TTC16: variants seen among roughly 807,000 people sequenced by gnomAD.
TTC16 encodes tetratricopeptide repeat protein 16.
In TTC16, 66 loss-of-function variants were observed where a neutral mutation model predicts 80.4. That is an observed-to-expected ratio of 0.82 (90% confidence interval 0.67 to 1.01). The LOEUF (loss-of-function observed/expected upper bound fraction) is 1.01. TTC16 is among the 50% of genes least tolerant of loss of function. The probability of loss-of-function intolerance (pLI) is 0.00; values close to 1 mark genes in which losing one functional copy is unlikely to be tolerated. For synonymous variants in TTC16, 438 were observed against 451.3 expected, an observed-to-expected ratio of 0.97 and a Z score of 0.37; for missense variants, 1,070 against 1,103.2, an observed-to-expected ratio of 0.97 and a Z score of 0.43.
chr9:127,716,270 C>T (rs575345775), intron 1 of TTC16, 107 bp downstream of exon 1: 11 of 1,525,108 alleles, frequency 7.2e-6, no homozygotes, highest in African/African-American at 6.8e-5. Flanking sequence ...GGCAGCAGTC[C>T]GACTCAGGGA....
In TTC16 at chr9:127,730,842, C is replaced by T. The variant is rs1214753532; in HGVS notation, c.2059C>T (p.Pro687Ser). The change falls in exon 14 of 14, where the codon CCC becomes TCC. Residue 687 changes from proline (P) to serine (S), a missense_variant. Transcript: ENST00000373289. ...GQRQSLSKTE[P>S]TQSQRRNSSK... Reference sequence around the variant, plus strand: ...GAGGCAGAGCCTTAGCAAGACTGAGCCCACCCAGAGCCAGAGGCGGAACTC... The same window carrying T: ...GAGGCAGAGCCTTAGCAAGACTGAGTCCACCCAGAGCCAGAGGCGGAACTC... 6.2e-7 allele frequency: 1 copy of T among 1,604,076 alleles called. No homozygotes were observed.
In TTC16 at chr9:127,716,087, C is replaced by T; in HGVS notation, c.-59C>T. 6.2e-7 allele frequency: 1 copy of T among 1,613,106 alleles called. No homozygotes were observed. Among genetic ancestry groups the T allele is most frequent in the Non-Finnish European group, 8.5e-7 (1 of 1,179,500 alleles). On this transcript the variant is annotated 5_prime_UTR_variant, in exon 1 of 14. Transcript: ENST00000373289. ...TCCTGGTGATGGTGCCTAGCAACGT[C>T]AGGGCCAGGGCCGCGAGGTAGTTGG...
Position 127,722,031 on chromosome 9 carries a change from C to T in TTC16, c.658-1088C>T, listed in dbSNP as rs146552139. On this transcript the variant is annotated intron_variant, in intron 6 of 13. Coordinates refer to ENST00000373289, the MANE Select transcript of TTC16 (RefSeq NM_144965.3). The surrounding 1 kb of genome is among the most constrained non-coding windows in gnomAD (Gnocchi z 4.2). Reference sequence around the variant, plus strand: ...AGCCCCTCCGATACGTAGGCGTGTTCTCAGCACTTTGCCCCTGCTTAGCTG... The same window carrying T: ...AGCCCCTCCGATACGTAGGCGTGTTTTCAGCACTTTGCCCCTGCTTAGCTG... Among the ~76,000 whole-genome samples, 104 of 152,276 alleles carry T rather than the reference C, an allele frequency of 6.8e-4. No homozygotes were observed. Among genetic ancestry groups the T allele is most frequent in the African/African-American group, 2.3e-3 (96 of 41,550 alleles).
At position 127,724,229 on chromosome 9, in the gene TTC16, C is replaced by A; in HGVS notation, c.982C>A (p.Arg328Ser). 1 of 1,613,072 alleles carries A rather than the reference C, an allele frequency of 6.2e-7. No individual in the cohort carries two copies. Among genetic ancestry groups the A allele is most frequent in the Non-Finnish European group, 8.5e-7 (1 of 1,180,016 alleles). ...DQEDMVRQAQRQLLLTYNDFA... is the reference protein window; with the variant it reads ...DQEDMVRQAQSQLLLTYNDFA... Reference sequence around the variant, plus strand: ...GGAGGACATGGTGCGGCAGGCACAGCGCCAGCTGTTGCTGACCTACAACGA... The same window carrying A: ...GGAGGACATGGTGCGGCAGGCACAGAGCCAGCTGTTGCTGACCTACAACGA... The change falls in exon 8 of 14, where the codon CGC becomes AGC. Residue 328 changes from arginine to serine, a missense_variant. Arg to Ser is a moderately radical substitution (Grantham distance 110). Coordinates refer to ENST00000373289, the MANE Select transcript of TTC16 (RefSeq NM_144965.3).
At chr9:127,730,466 C>T in intron 13 of TTC16, 170 bp from the exon 14 acceptor site, 2 of 961,286 alleles carry the variant, frequency 2.1e-6, no homozygotes, top group Non-Finnish European at 3.0e-6. Flanking sequence ...CCCCACCCCT[C>T]AGGGTCTGGG....
Position 127,723,268 on chromosome 9 carries a change from C to A in TTC16, c.807C>A (p.His269Gln), listed in dbSNP as rs369545979. Reference protein sequence around the residue: ...GILAVQGKLQHALQRINRAIE... With the variant: ...GILAVQGKLQQALQRINRAIE... Reference sequence around the variant, plus strand: ...TGGCTGTGCAGGGCAAGCTGCAGCACGCACTGCAGCGGATCAACCGTGCCA... The same window carrying A: ...TGGCTGTGCAGGGCAAGCTGCAGCAAGCACTGCAGCGGATCAACCGTGCCA... The change falls in exon 7 of 14, where the codon CAC becomes CAA. Residue 269 changes from histidine to glutamine, a missense_variant. By Grantham distance (24) the His-to-Gln change is conservative. Transcript: ENST00000373289. 2 of 1,612,968 alleles carry A rather than the reference C, an allele frequency of 1.2e-6. No homozygotes were observed.
intron 9 of TTC16, 31 bp downstream of exon 9, chr9:127,724,928 G>C: frequency 6.8e-7 from 1 of 1,467,740 alleles, no homozygotes. Context: ...ACGGTGGGCG[G>C]GGCAGGCCCG....
Position 127,724,282 on chromosome 9 carries a change from C to T in TTC16, c.1035C>T (p.Gly345=), listed in dbSNP as rs140638743. 258 of 1,613,012 alleles carry T rather than the reference C, an allele frequency of 1.6e-4. No individual in the cohort carries two copies. The highest frequency in any genetic ancestry group is 2.0e-4 in the Non-Finnish European group (236 of 1,180,002). ...TTGCCGTGCACTGCTACAGGCAGGG[C>T]GCCTACCAGGAGGGCGTGCTGCTGC... The part of the protein sequence containing the change: ...NDFAVHCYRQ[G]AYQEGVLLLN... Residue 345 remains glycine (G), a synonymous_variant, in exon 8 of 14, where the codon GGC becomes GGT. Coordinates refer to ENST00000373289, the MANE Select transcript of TTC16 (RefSeq NM_144965.3).
rs777624161 is a variant in TTC16, at chr9:127,717,366, C to A, written c.224C>A (p.Ala75Glu). 3 of 1,612,606 alleles carry A rather than the reference C, an allele frequency of 1.9e-6. No individual in the cohort carries two copies. In the South Asian group the frequency reaches 3.3e-5, roughly 18 times the overall value. The part of the protein sequence containing the change: ...YSRGQQCLEQ[A>E]DWETAVLLFS... Reference sequence around the variant, plus strand: ...AGAGGCCAGCAGTGCTTGGAGCAGGCAGACTGGGAGACAGCTGTGCTGCTC... The same window carrying A: ...AGAGGCCAGCAGTGCTTGGAGCAGGAAGACTGGGAGACAGCTGTGCTGCTC... Residue 75 changes from alanine to glutamate, a missense_variant, in exon 3 of 14, where the codon GCA becomes GAA. Coordinates refer to ENST00000373289, the MANE Select transcript of TTC16 (RefSeq NM_144965.3).
chr9:127,717,643 C>T lies in TTC16; in HGVS notation c.297C>T (p.Ala99=). Residue 99 remains alanine, a synonymous_variant, in exon 4 of 14, where the codon GCC becomes GCT. Coordinates refer to ENST00000373289, the MANE Select transcript of TTC16 (RefSeq NM_144965.3). ...CTCACCCTCAGGTGGACTTCTATGCCTTACGGGCTGAGGCCTACCTCCAGC... is the reference window on the plus strand; with the variant it reads ...CTCACCCTCAGGTGGACTTCTATGCTTTACGGGCTGAGGCCTACCTCCAGC... ...HLDPQLVDFY[A]LRAEAYLQLC... is the part of the protein sequence containing the mutation. The T allele has an allele frequency of 1.9e-6, 3 of 1,613,978 alleles. No homozygotes were observed. Among genetic ancestry groups the T allele is most frequent in the South Asian group, 1.1e-5 (1 of 91,086 alleles).
Position 127,720,313 on chromosome 9 carries a change from T to C in TTC16, c.575T>C (p.Leu192Pro). The change falls in exon 6 of 14, where the codon CTC (leucine) becomes CCC (proline). Residue 192 changes from leucine to proline, a missense_variant. By Grantham distance (98) the Leu-to-Pro change is moderately conservative (BLOSUM62 -3). Coordinates refer to ENST00000373289, the MANE Select transcript of TTC16 (RefSeq NM_144965.3). ...AAGCAGCATCAGGCCTGCCTCACGC[T>C]CATCACCAACGAGCTGAAGCAGGAC... is the stretch of plus-strand genomic sequence containing the variant. ...ALKQHQACLT[L>P]ITNELKQDTT... 6.2e-7 allele frequency: 1 copy of C among 1,613,322 alleles called. No homozygotes were observed. The highest frequency in any genetic ancestry group is 8.5e-7 in the Non-Finnish European group (1 of 1,179,968).
chr9:127,726,994 T>G lies in TTC16; in HGVS notation c.1450T>G (p.Phe484Val). 1 of 1,613,180 alleles carries G rather than the reference T, an allele frequency of 6.2e-7. No homozygotes were observed. Among genetic ancestry groups the G allele is most frequent in the Non-Finnish European group, 8.5e-7 (1 of 1,179,982 alleles). The change falls in exon 11 of 14, where the codon TTC (phenylalanine) becomes GTC (valine). Residue 484 changes from phenylalanine (F) to valine (V), a missense_variant. Coordinates refer to ENST00000373289, the MANE Select transcript of TTC16 (RefSeq NM_144965.3). ...GCTGTCCCTGCTGATGACCAACCTCTTCCCGGGCATGTCGGTGGAGGAGGT... is the reference window on the plus strand; with the variant it reads ...GCTGTCCCTGCTGATGACCAACCTCGTCCCGGGCATGTCGGTGGAGGAGGT... Reference protein sequence around the residue: ...PKLSLLMTNLFPGMSVEEVLS... With the variant: ...PKLSLLMTNLVPGMSVEEVLS...
intron 9 of TTC16, 47 bp from the exon 10 acceptor site, chr9:127,726,192 A>C (rs771619394): frequency 6.7e-7 from 1 of 1,482,276 alleles, no homozygotes; most frequent in East Asian, 2.5e-5. Flanking sequence ...CATTTTCCCC[A>C]CAGATGGCCC....
At position 127,718,883 on chromosome 9, in the gene TTC16, C is replaced by T. The variant is rs531542040; in HGVS notation, c.426+1111C>T. Among the ~76,000 whole-genome samples, 15 of 150,416 alleles carry T rather than the reference C, an allele frequency of 1.0e-4. No individual in the cohort carries two copies. Among genetic ancestry groups the T allele is most frequent in the East Asian group, 4.1e-4 (2 of 4,910 alleles). ...CTGGGATTACAGGTGTGAGCTACTG[C>T]GCCTGGGCTTGATGTCTTTTCTTTA... is the stretch of plus-strand genomic sequence containing the variant. On this transcript the variant is annotated intron_variant, in intron 4 of 13. Coordinates refer to ENST00000373289, the MANE Select transcript of TTC16 (RefSeq NM_144965.3). This position sits in a 1 kb window ranked among gnomAD's most constrained non-coding sequence, Gnocchi z 4.6.
chr9:127,727,306 C>A lies in TTC16; in HGVS notation c.1605C>A (p.Ala535=), dbSNP rs777636866. ...LKRHELERQK[A]LALQHSWKQG... ...GGCACGAGTTGGAGCGCCAGAAGGC[C>A]TTGGCCCTGCAGCACTCATGGAAGC... The change falls in exon 12 of 14, where the codon GCC becomes GCA. Residue 535 remains alanine, a synonymous_variant. Coordinates refer to ENST00000373289, the MANE Select transcript of TTC16 (RefSeq NM_144965.3). The A allele has an allele frequency of 6.3e-7, 1 of 1,586,088 alleles. No homozygotes were observed. The highest frequency in any genetic ancestry group is 2.3e-5 in the East Asian group (1 of 44,404).
Position 127,717,468 on chromosome 9 carries a change from G to A in TTC16, c.282+44G>A, listed in dbSNP as rs1437495622. On this transcript the variant is annotated intron_variant, in intron 3 of 13. Coordinates refer to ENST00000373289, the MANE Select transcript of TTC16 (RefSeq NM_144965.3). Reference sequence around the variant, plus strand: ...TGGGCACAGGCAGTTGCTGGAACATGCTTCCTCCCTCCCTGTCGCACCTGC... The same window carrying A: ...TGGGCACAGGCAGTTGCTGGAACATACTTCCTCCCTCCCTGTCGCACCTGC... The A allele has an allele frequency of 3.1e-6, 5 of 1,593,150 alleles. No homozygotes were observed. In the South Asian group the frequency reaches 4.5e-5, roughly 14 times the overall value.
At chr9:127,730,260 G>A (rs755949405) in intron 13 of TTC16, 45 of 308,842 alleles carry the variant, frequency 1.5e-4, no homozygotes, top group Non-Finnish European at 2.4e-4. Flanking sequence ...CAGTGCGGGG[G>A]AAGCCGGGGT....
In TTC16 at chr9:127,724,793, G is replaced by A. The variant is rs1245996521; in HGVS notation, c.1155G>A (p.Glu385=). 1.9e-6 allele frequency: 3 copies of A among 1,610,618 alleles called. No homozygotes were observed. Among genetic ancestry groups the A allele is most frequent in the Admixed American group, 3.3e-5 (2 of 59,858 alleles). ...AGCTGGGCAACCTGGCCTTTGCCGA[G>A]GCGGACTACCAGCAGGCGCTGGCGC... ...FFQLGNLAFA[E]ADYQQALALS... is the part of the protein sequence containing the mutation. The change falls in exon 9 of 14, where the codon GAG becomes GAA. Residue 385 remains glutamate (E), a synonymous_variant. Transcript: ENST00000373289.
intron 1 of TTC16, chr9:127,716,503 T>C (rs894903865): frequency 2.2e-5 from 12 of 534,734 alleles, no homozygotes; most frequent in African/African-American, 1.9e-4. Flanking sequence ...GGCCTGAGAC[T>C]TGGGACCAGG....
Sources: allele counts gnomAD v4.1 joint callset (sites outside exome capture counted in the v4.1 genomes callset), GRCh38; gene constraint gnomAD v4.1.1; non-coding constraint Gnocchi (gnomAD v3.1); transcripts MANE v1.5; gene names NCBI Gene and HGNC (gene_info 2026-07-23, HGNC 2026-07-21).